Variants in RNF111 observed in about 807,000 individuals in gnomAD.
RNF111 encodes E3 ubiquitin-protein ligase Arkadia.
In RNF111, 17 loss-of-function variants were observed where a neutral mutation model predicts 95.1. That is an observed-to-expected ratio of 0.18 (90% CI 0.12 to 0.27). The LOEUF is 0.27. RNF111 is among the 10% of genes least tolerant of loss of function. The probability of loss-of-function intolerance (pLI) is 1.00; values close to 1 mark genes in which losing one functional copy is unlikely to be tolerated. For missense variants in RNF111, 1,189 were observed against 1,210.4 expected (o/e 0.98, Z 0.26); for synonymous variants, 440 against 414.8 (o/e 1.06, Z -0.74).
chr15:59,051,847 A>G (rs2042001113), intron 2 of RNF111, among the ~76,000 whole-genome samples: 1 of 152,112 alleles, frequency 6.6e-6, no homozygotes, highest in Admixed American at 6.5e-5. Flanking sequence ...CATAAAACTA[A>G]AAAGCTACAG....
intron 6 of RNF111, among the ~76,000 whole-genome samples, chr15:59,070,054 T>A (rs1233527085): frequency 2.1e-5 from 3 of 139,756 alleles, no homozygotes; most frequent in Non-Finnish European, 4.6e-5. Flanking sequence ...TTTTTTTTTT[T>A]TTTTTAGAGA....
At chr15:58,997,016 T>C (rs1302544857) in intron 1 of RNF111, among the ~76,000 whole-genome samples, 1 of 152,200 alleles carries the variant, frequency 6.6e-6, no homozygotes, top group Non-Finnish European at 1.5e-5. Flanking sequence ...TATTTACTTG[T>C]GTACTTATAT....
intron 1 of RNF111, among the ~76,000 whole-genome samples, chr15:59,015,805 G>A (rs775264301): frequency 6.6e-5 from 10 of 151,924 alleles, no homozygotes; most frequent in Non-Finnish European, 1.3e-4. Flanking sequence ...TAATTGCCTC[G>A]TTTTGTTCCT....
chr15:58,987,953 T>G lies in RNF111; in HGVS notation c.-135T>G, dbSNP rs1265217446. ...TCTAGGGGCCTATTAGGCCGACGTC[T>G]GAGGCGCAGATCGCTGGCTCTCGAC... On this transcript the variant is annotated 5_prime_UTR_variant, in exon 1 of 14. Coordinates refer to ENST00000348370, the MANE Select transcript of RNF111 (RefSeq NM_017610.8). 6.6e-6 allele frequency: 1 copy of G among 152,466 alleles called. No individual in the cohort carries two copies. Among genetic ancestry groups the G allele is most frequent in the Non-Finnish European group, 1.5e-5 (1 of 68,166 alleles). 9.4% of individuals were successfully genotyped at this position (152,466 alleles called of 1,614,324 possible). A position where few individuals can be genotyped will look rare whatever the true frequency, so the allele number is the denominator to read the frequency against.
intron 2 of RNF111, among the ~76,000 whole-genome samples, chr15:59,047,907 A>G (rs777757480): frequency 3.0e-4 from 46 of 152,334 alleles, no homozygotes; most frequent in Non-Finnish European, 5.1e-4. Flanking sequence ...TAAAACCACA[A>G]TGAGATACCA....
intron 5 of RNF111, among the ~76,000 whole-genome samples, chr15:59,061,168 CTT>C (rs2042420511): frequency 6.6e-6 from 1 of 152,092 alleles, no homozygotes; most frequent in Admixed American, 6.6e-5. Context: ...ATTCCAAAAA[CTT>C]TTATATATAA....
intron 2 of RNF111, among the ~76,000 whole-genome samples, chr15:59,043,488 G>T (rs2041566101): frequency 6.6e-6 from 1 of 152,064 alleles, no homozygotes. Flanking sequence ...TCCTTGGCTG[G>T]GCCCTGGTCC....
intron 1 of RNF111, among the ~76,000 whole-genome samples, chr15:59,008,918 C>T (rs1187567702): frequency 6.6e-6 from 1 of 151,780 alleles, no homozygotes; most frequent in African/African-American, 2.4e-5. Context: ...TCATTTGTTC[C>T]CCTCCTGTCC....
At chr15:58,996,077 TTTC>T (rs574633462) in intron 1 of RNF111, among the ~76,000 whole-genome samples, 86 of 152,294 alleles carry the variant, frequency 5.6e-4, no homozygotes, top group African/African-American at 1.9e-3. Flanking sequence ...AAGCAATTTT[TTTC>T]TTCTTTTCTT....
At chr15:59,093,477 C>T (rs1849909369) in intron 13 of RNF111, 1 of 429,476 alleles carries the variant, frequency 2.3e-6, no homozygotes. Flanking sequence ...TCCCAAAATG[C>T]TGGGATTACA....
intron 1 of RNF111, among the ~76,000 whole-genome samples, chr15:59,018,486 A>T (rs545600266): frequency 2.6e-5 from 4 of 152,316 alleles, no homozygotes; most frequent in African/African-American, 9.6e-5. Flanking sequence ...TAAATATATT[A>T]TGTTCTCATA....
At chr15:59,053,507 T>G (rs1265959455) in intron 3 of RNF111, among the ~76,000 whole-genome samples, 2 of 152,230 alleles carry the variant, frequency 1.3e-5, no homozygotes, top group Non-Finnish European at 2.9e-5. Context: ...TACAAACACT[T>G]AGAACATGCT....
Position 59,030,988 on chromosome 15 carries a change from A to G in RNF111, c.166A>G (p.Ile56Val), listed in dbSNP as rs753573920. ...AKSFPAGVEM[I>V]NSKVGNEFSH... Reference sequence around the variant, plus strand: ...AAGTTTTCCTGCAGGAGTTGAGATGATTAATAGTAAAGTGGGGAATGAATT... The same window carrying G: ...AAGTTTTCCTGCAGGAGTTGAGATGGTTAATAGTAAAGTGGGGAATGAATT... Residue 56 changes from isoleucine (I) to valine (V), a missense_variant, in exon 2 of 14, where the codon ATT (isoleucine) becomes GTT (valine). Physicochemically the swap from Ile to Val is conservative, Grantham distance 29. This residue lies in a region of RNF111 where 1,024 missense variants were observed against 925.9 expected (regional missense o/e 1.11). Transcript: ENST00000348370. The G allele has an allele frequency of 1.2e-6, 2 of 1,614,214 alleles. No homozygotes were observed. The highest frequency in any genetic ancestry group is 2.2e-5 in the South Asian group (2 of 91,084).
At chr15:59,075,265 A>G (rs1170159881) in intron 6 of RNF111, among the ~76,000 whole-genome samples, 1 of 152,110 alleles carries the variant, frequency 6.6e-6, no homozygotes. Flanking sequence ...AAAACAAAAA[A>G]CCCCGAACAT....
intron 2 of RNF111, among the ~76,000 whole-genome samples, chr15:59,040,479 AG>A (rs2041397110): frequency 6.6e-6 from 1 of 152,170 alleles, no homozygotes; most frequent in Non-Finnish European, 1.5e-5. Context: ...TAAAGATTTT[AG>A]AAAAAAATAA....
chr15:59,049,183 C>T (rs1251657189), intron 2 of RNF111, among the ~76,000 whole-genome samples: 1 of 152,178 alleles, frequency 6.6e-6, no homozygotes, highest in Non-Finnish European at 1.5e-5. Context: ...TACAACTCCT[C>T]TTTCTCCTCG....
At chr15:59,058,689 G>A in intron 5 of RNF111, 139 bp downstream of exon 5, 1 of 739,616 alleles carries the variant, frequency 1.4e-6, no homozygotes, top group South Asian at 1.7e-5. Context: ...ATGTTATCAA[G>A]GTAGTCTTTA....
At chr15:59,012,032 T>TTTTTTTTG (rs869199456) in intron 1 of RNF111, among the ~76,000 whole-genome samples, 1 of 119,352 alleles carries the variant, frequency 8.4e-6, no homozygotes, top group South Asian at 2.9e-4. Flanking sequence ...TTTTTTTTTT[T>TTTTTTTTG]GAGATGGAGT....
intron 5 of RNF111, among the ~76,000 whole-genome samples, chr15:59,066,106 G>T (rs2042643063): frequency 6.6e-6 from 1 of 152,100 alleles, no homozygotes; most frequent in Non-Finnish European, 1.5e-5. Context: ...AAGAGCATTT[G>T]CTTTGTAGCA....
Sources: gnomAD v4.1 joint callset for allele counts (sites outside exome capture counted in the v4.1 genomes callset) on GRCh38, gnomAD v4.1.1 for gene constraint, gnomAD v4.1.1 regional missense constraint, MANE v1.5 for transcripts, NCBI Gene and HGNC (gene_info 2026-07-23, HGNC 2026-07-21) for gene names.